DRC8: variants seen among roughly 807,000 people sequenced by gnomAD.
DRC8 encodes dynein regulatory complex subunit 8.
At chr1:245,018,990 C>A in the DRC8 span, among the ~76,000 whole-genome samples, 2 of 152,208 alleles carry the variant, frequency 1.3e-5, no homozygotes, top group East Asian at 3.9e-4. Context: ...AGGGGCTTCT[C>A]TTCTGCCTTC....
the DRC8 span, chr1:245,123,914 T>C: frequency 6.6e-6 from 1 of 151,960 alleles, no homozygotes; most frequent in East Asian, 1.9e-4. The surrounding 1 kb of genome is among the most constrained non-coding windows in gnomAD (Gnocchi z 5.0). Context: ...CATATATATA[T>C]ATATATATTT....
chr1:245,074,383 C>A, the DRC8 span, among the ~76,000 whole-genome samples: 1 of 152,122 alleles, frequency 6.6e-6, no homozygotes, highest in Non-Finnish European at 1.5e-5. Flanking sequence ...GGCGTGGGAG[C>A]GGCACTCACC....
the DRC8 span, chr1:245,002,108 T>C: frequency 6.3e-6 from 10 of 1,586,728 alleles, 1 homozygote; most frequent in African/African-American, 9.4e-5. Flanking sequence ...TTCATGTGTC[T>C]CCTTTATGCT....
chr1:244,975,979 TAA>T, the DRC8 span, among the ~76,000 whole-genome samples: 15 of 151,924 alleles, frequency 9.9e-5, no homozygotes, highest in Non-Finnish European at 1.9e-4. Flanking sequence ...ACATAAAACA[TAA>T]GAGTTGGCCA....
At chr1:244,970,571 G>C in the DRC8 span, 1 of 1,273,736 alleles carries the variant, frequency 7.9e-7, no homozygotes, top group African/African-American at 1.7e-5. Context: ...AGGGCGGCCT[G>C]AGGAGGGGGC....
At chr1:245,075,050 A>G in the DRC8 span, among the ~76,000 whole-genome samples, 3 of 152,196 alleles carry the variant, frequency 2.0e-5, no homozygotes, top group African/African-American at 7.2e-5. Flanking sequence ...TTTTTTGTGA[A>G]GCATGAAATG....
chr1:244,980,861 G>C, the DRC8 span, among the ~76,000 whole-genome samples: 1 of 152,182 alleles, frequency 6.6e-6, no homozygotes. Flanking sequence ...GGGAATGGTT[G>C]AGAATGTCCA....
chr1:244,981,186 CA>C, the DRC8 span, among the ~76,000 whole-genome samples: 1 of 151,718 alleles, frequency 6.6e-6, no homozygotes, highest in African/African-American at 2.4e-5. Flanking sequence ...TCTCTGTCCC[CA>C]CCCCACCACC....
At chr1:245,053,711 CT>C in the DRC8 span, among the ~76,000 whole-genome samples, 2 of 152,178 alleles carry the variant, frequency 1.3e-5, no homozygotes, top group Non-Finnish European at 2.9e-5. Context: ...TGCTTAATGC[CT>C]GCAAGATGTC....
chr1:244,981,667 T>G, the DRC8 span, among the ~76,000 whole-genome samples: 29 of 152,258 alleles, frequency 1.9e-4, no homozygotes, highest in South Asian at 6.2e-4. Flanking sequence ...TTTTGACAAA[T>G]TGGTGGAGGC....
At chr1:245,083,793 G>A in the DRC8 span, 34,814 of 1,457,104 alleles carry the variant, frequency 0.024, 503 homozygotes, top group Middle Eastern at 0.033. Context: ...AGTCATTCTG[G>A]TGAAAGTTAT....
the DRC8 span, among the ~76,000 whole-genome samples, chr1:245,055,757 C>G: frequency 2.6e-5 from 4 of 152,220 alleles, no homozygotes; most frequent in African/African-American, 7.2e-5. Flanking sequence ...CCTTCGAACT[C>G]TCTCTTAGGT....
chr1:245,013,953 G>C, the DRC8 span, among the ~76,000 whole-genome samples: 1 of 143,888 alleles, frequency 6.9e-6, no homozygotes, highest in African/African-American at 2.6e-5. Context: ...AATCTCTTGA[G>C]CCTGGGAGGT....
At chr1:245,016,240 C>T in the DRC8 span, among the ~76,000 whole-genome samples, 1 of 152,178 alleles carries the variant, frequency 6.6e-6, no homozygotes, top group Non-Finnish European at 1.5e-5. Context: ...CTCGGCCTCC[C>T]GAAGTGCTGG....
At chr1:245,063,395 A>G in the DRC8 span, among the ~76,000 whole-genome samples, 670 of 152,220 alleles carry the variant, frequency 4.4e-3, 1 homozygote, top group African/African-American at 0.015. Flanking sequence ...TCTCAGGGGT[A>G]CTCCCCTAGC....
chr1:245,120,956 GA>G, the DRC8 span, among the ~76,000 whole-genome samples: 1 of 152,240 alleles, frequency 6.6e-6, no homozygotes, highest in Non-Finnish European at 1.5e-5. Flanking sequence ...GTGTTGACAG[GA>G]ATGGTGTTAA....
At chr1:244,997,430 T>C in the DRC8 span, among the ~76,000 whole-genome samples, 1 of 152,172 alleles carries the variant, frequency 6.6e-6, no homozygotes, top group Non-Finnish European at 1.5e-5. Flanking sequence ...CATTTTGTCT[T>C]CAAGCCAGTA....
chr1:245,036,693 C>T, the DRC8 span, among the ~76,000 whole-genome samples: 1 of 152,086 alleles, frequency 6.6e-6, no homozygotes, highest in Non-Finnish European at 1.5e-5. Context: ...TGTTACAACG[C>T]GGATGAACCT....
chr1:245,110,307 C>A, the DRC8 span, among the ~76,000 whole-genome samples: 1 of 152,250 alleles, frequency 6.6e-6, no homozygotes, highest in Non-Finnish European at 1.5e-5. Flanking sequence ...TCACTTGAAC[C>A]CAGGAGGTGG....
Sources: gnomAD v4.1 joint callset for allele counts (sites outside exome capture counted in the v4.1 genomes callset) on GRCh38, gnomAD v4.1.1 for gene constraint, Gnocchi (gnomAD v3.1) non-coding constraint, MANE v1.5 for transcripts, NCBI Gene and HGNC (gene_info 2026-07-23, HGNC 2026-07-21) for gene names.